RIMS1: variants seen among roughly 807,000 people sequenced by gnomAD.
The protein encoded by RIMS1 is regulating synaptic membrane exocytosis protein 1.
In RIMS1, 83 loss-of-function variants were observed where a neutral mutation model predicts 214.1. The observed-to-expected ratio is 0.39, with a 90% CI of 0.32 to 0.47. RIMS1 has a LOEUF of 0.47. Among genes scored for constraint, RIMS1 ranks in the 20% least tolerant of loss-of-function variants. The pLI is 0.99. For synonymous variants in RIMS1, 793 were observed against 786.8 expected (o/e 1.01, Z -0.13); for missense variants, 2,050 against 2,161.8 (o/e 0.95, Z 1.03).
At chr6:71,897,298 T>G (rs1772091321) in intron 1 of RIMS1, among the ~76,000 whole-genome samples, 1 of 152,194 alleles carries the variant, frequency 6.6e-6, no homozygotes, top group Non-Finnish European at 1.5e-5. Flanking sequence ...TCCTCCCATC[T>G]GATCTGATCT....
chr6:72,353,075 C>T (rs549371848), intron 29 of RIMS1, among the ~76,000 whole-genome samples: 1 of 136,764 alleles, frequency 7.3e-6, no homozygotes, highest in Non-Finnish European at 1.5e-5. Flanking sequence ...ACTGCAACTT[C>T]CGTCTCCCGG....
At position 72,038,118 on chromosome 6, in the gene RIMS1, A is replaced by AATATATATATAT. The variant is rs70994111; in HGVS notation, c.246-58807_246-58796dup. 5.5e-3 allele frequency among the ~76,000 whole-genome samples: 73 copies of AATATATATATAT among 13,380 alleles called. 1 individual carries two copies. Among genetic ancestry groups the AATATATATATAT allele is most frequent in the African/African-American group, 6.9e-3 (21 of 3,028 alleles). The allele number at this position is 13,380 out of a possible 152,430, so 8.8% of individuals were successfully genotyped here. ...AAAAAAAAAAAAAAAAAAAAAAAAA[A>AATATATATATAT]ATATATATATATATATATATATATA... On this transcript the variant is annotated intron_variant, in intron 2 of 33. Coordinates refer to ENST00000521978, the MANE Select transcript of RIMS1 (RefSeq NM_014989.7).
intron 29 of RIMS1, among the ~76,000 whole-genome samples, chr6:72,360,056 G>A (rs910509100): frequency 2.6e-5 from 4 of 151,960 alleles, no homozygotes; most frequent in Non-Finnish European, 5.9e-5. Context: ...GGAGTGATTG[G>A]GCTAAAACAG....
intron 2 of RIMS1, among the ~76,000 whole-genome samples, chr6:72,005,604 T>C (rs1219597507): frequency 2.6e-5 from 4 of 152,222 alleles, no homozygotes; most frequent in Non-Finnish European, 5.9e-5. Context: ...ACTAAAACCA[T>C]AATCAGGTAC....
chr6:72,329,932 A>G (rs2096603551), intron 28 of RIMS1, among the ~76,000 whole-genome samples: 3 of 151,822 alleles, frequency 2.0e-5, no homozygotes, highest in Admixed American at 1.3e-4. Context: ...TCTGGAGTCC[A>G]GGGCTGAGTA....
intron 4 of RIMS1, among the ~76,000 whole-genome samples, chr6:72,175,859 T>C (rs1481559062): frequency 1.3e-5 from 2 of 152,192 alleles, no homozygotes; most frequent in African/African-American, 2.4e-5. Flanking sequence ...TCTATGGAAT[T>C]TTCTGTATAT....
chr6:72,283,723 G>C (rs1297107519), intron 23 of RIMS1, among the ~76,000 whole-genome samples: 1 of 152,038 alleles, frequency 6.6e-6, no homozygotes, highest in Non-Finnish European at 1.5e-5. Flanking sequence ...CATTGCATTT[G>C]TTTGCTCATC....
chr6:72,390,425 A>T (rs550138411), intron 29 of RIMS1, among the ~76,000 whole-genome samples, 173 bp from the exon 30 acceptor site: 2 of 152,332 alleles, frequency 1.3e-5, no homozygotes, highest in East Asian at 1.9e-4. Flanking sequence ...CCCTTAGCCA[A>T]GCATACTTTG....
intron 6 of RIMS1, among the ~76,000 whole-genome samples, chr6:72,229,772 G>A (rs1024227883): frequency 4.6e-5 from 7 of 151,786 alleles, no homozygotes; most frequent in Admixed American, 6.6e-5. Flanking sequence ...TAACTCTTGT[G>A]TATGAGACTG....
chr6:72,268,651 A>G (rs2081648184), intron 22 of RIMS1, among the ~76,000 whole-genome samples: 1 of 152,170 alleles, frequency 6.6e-6, no homozygotes, highest in South Asian at 2.1e-4. Context: ...AGATACACCT[A>G]TCGTTTCTCC....
intron 6 of RIMS1, among the ~76,000 whole-genome samples, chr6:72,227,232 GA>G (rs2060461902): frequency 6.6e-6 from 1 of 151,918 alleles, no homozygotes; most frequent in African/African-American, 2.4e-5. Flanking sequence ...CTGCTGGGTA[GA>G]AAAATATATT....
At chr6:72,316,065 CTT>C (rs1280521601) in intron 28 of RIMS1, among the ~76,000 whole-genome samples, 1 of 152,048 alleles carries the variant, frequency 6.6e-6, no homozygotes, top group Non-Finnish European at 1.5e-5. Flanking sequence ...TGTGTAAGGA[CTT>C]TATTATCTTC....
chr6:71,909,248 C>T (rs1410024659), intron 1 of RIMS1, among the ~76,000 whole-genome samples: 3 of 152,124 alleles, frequency 2.0e-5, no homozygotes, highest in East Asian at 1.9e-4. Flanking sequence ...CCACCTGCCT[C>T]GGCCTTCCAA....
At chr6:72,212,768 GA>G (rs763680553) in intron 6 of RIMS1, 14 of 988,608 alleles carry the variant, frequency 1.4e-5, no homozygotes, top group Non-Finnish European at 1.7e-5. Flanking sequence ...GAATCCTGTG[GA>G]TCTGGTTAAA....
chr6:72,162,715 C>T (rs1011997092), intron 4 of RIMS1, among the ~76,000 whole-genome samples: 1 of 140,210 alleles, frequency 7.1e-6, no homozygotes, highest in Admixed American at 7.3e-5. Context: ...GAATATTGGC[C>T]CCCACTGTCT....
At chr6:71,959,415 G>T (rs902232403) in intron 1 of RIMS1, among the ~76,000 whole-genome samples, 1 of 152,104 alleles carries the variant, frequency 6.6e-6, no homozygotes, top group Non-Finnish European at 1.5e-5. Context: ...CCAGATGAGG[G>T]AGGAAAATGA....
rs370144173 is a variant in RIMS1, at chr6:71,898,302, G to A, written c.164+11115G>A. 2.2e-4 allele frequency among the ~76,000 whole-genome samples: 34 copies of A among 152,210 alleles called. No individual in the cohort carries two copies. The East Asian group carries it at 4.4e-3, about 20-fold the overall frequency. ...TGATATTTAGAATTAGATCAGTAGT[G>A]TATTGCCAGAAAGCATTCTACTGGT... On this transcript the variant is annotated intron_variant, in intron 1 of 33. Transcript: ENST00000521978.
At chr6:72,160,378 C>A (rs2045191469) in intron 4 of RIMS1, among the ~76,000 whole-genome samples, 1 of 139,480 alleles carries the variant, frequency 7.2e-6, no homozygotes, top group Non-Finnish European at 1.6e-5. Flanking sequence ...CCTTTATTTT[C>A]TTCTCCTGCC....
intron 8 of RIMS1, among the ~76,000 whole-genome samples, chr6:72,237,316 A>G (rs1366674498): frequency 6.6e-6 from 1 of 152,078 alleles, no homozygotes; most frequent in Non-Finnish European, 1.5e-5. Flanking sequence ...AAACTTCCTT[A>G]GGACACATAG....
Sources: allele counts gnomAD v4.1 joint callset (sites outside exome capture counted in the v4.1 genomes callset), GRCh38; gene constraint gnomAD v4.1.1; transcripts MANE v1.5; gene names NCBI Gene and HGNC (gene_info 2026-07-23, HGNC 2026-07-21).